Variants in TMEM132C observed in about 807,000 individuals in gnomAD.
The protein encoded by TMEM132C is protein phosphatase 1, regulatory subunit 152.
Under a neutral mutation model 61.4 loss-of-function variants are expected in TMEM132C, and 29 were observed. The observed-to-expected ratio is 0.47, with a 90% CI of 0.35 to 0.64. TMEM132C has a LOEUF of 0.64. TMEM132C is among the 30% of genes least tolerant of loss of function. The probability of loss-of-function intolerance (pLI) is 0.00; values close to 1 mark genes in which losing one functional copy is unlikely to be tolerated. For synonymous variants in TMEM132C, 656 were observed against 633.1 expected (o/e 1.04, Z -0.54); for missense variants, 1,408 against 1,476.9 (o/e 0.95, Z 0.76).
At chr12:128,442,587 A>T (rs760952990) in intron 2 of TMEM132C, among the ~76,000 whole-genome samples, 60 of 130,476 alleles carry the variant, frequency 4.6e-4, no homozygotes, top group African/African-American at 1.1e-3. Context: ...TCAGTGTTTT[A>T]AAAAAAAAAA....
At chr12:128,282,128 A>C (rs1209388171) in intron 1 of TMEM132C, among the ~76,000 whole-genome samples, 4 of 152,224 alleles carry the variant, frequency 2.6e-5, no homozygotes, top group Admixed American at 2.0e-4. Context: ...GAACCATCTC[A>C]GAGTAACTGG....
At chr12:128,542,407 G>C (rs1468827179) in intron 2 of TMEM132C, among the ~76,000 whole-genome samples, 2 of 152,180 alleles carry the variant, frequency 1.3e-5, no homozygotes, top group Admixed American at 6.5e-5. Context: ...CCAGGTTCAA[G>C]TGACCCTCCT....
At chr12:128,497,682 G>A (rs1257409035) in intron 2 of TMEM132C, among the ~76,000 whole-genome samples, 1 of 152,168 alleles carries the variant, frequency 6.6e-6, no homozygotes, top group Non-Finnish European at 1.5e-5. Flanking sequence ...CATTGGAAAA[G>A]CGCAGTATTA....
intron 1 of TMEM132C, among the ~76,000 whole-genome samples, chr12:128,405,054 C>T (rs564531017): frequency 2.7e-5 from 4 of 146,144 alleles, no homozygotes; most frequent in Non-Finnish European, 6.1e-5. Flanking sequence ...CCGTAGGAAA[C>T]CAGCATTGGA....
At chr12:128,684,546 G>A (rs530783663) in intron 5 of TMEM132C, among the ~76,000 whole-genome samples, 12 of 152,320 alleles carry the variant, frequency 7.9e-5, no homozygotes, top group South Asian at 6.2e-4. Context: ...GCTCATTAGC[G>A]CTGCCAACCC....
intron 3 of TMEM132C, among the ~76,000 whole-genome samples, chr12:128,611,435 T>C (rs1228013785): frequency 1.3e-5 from 2 of 152,194 alleles, no homozygotes; most frequent in African/African-American, 4.8e-5. Flanking sequence ...ACACATCTGA[T>C]TGGAGGTGCT....
rs374080693 is a variant in TMEM132C at position 128,693,839 on chromosome 12, G to A, written c.1460G>A (p.Arg487His). ...CCTCTGTCTTTGCAGGTGTCTGAGC[G>A]CTGTGACTACATCTTTGTCAATGGC... is the stretch of plus-strand genomic sequence containing the variant. Reference protein sequence around the residue: ...TDEDVIKVSERCDYIFVNGKE... With the variant: ...TDEDVIKVSEHCDYIFVNGKE... Residue 487 changes from arginine to histidine, a missense_variant, in exon 6 of 9, where the codon CGC becomes CAC. By Grantham distance (29) the Arg-to-His change is conservative (BLOSUM62 0). Transcript: ENST00000435159. 192 of 1,551,710 alleles carry A rather than the reference G, an allele frequency of 1.2e-4. 1 individual carries two copies. The African/African-American group carries it at 1.9e-3, about 15-fold the overall frequency.
At chr12:128,502,984 C>T (rs10847630) in intron 2 of TMEM132C, among the ~76,000 whole-genome samples, 51,399 of 152,070 alleles carry the variant, frequency 0.34, 9,119 homozygotes, top group East Asian at 0.56. Flanking sequence ...CTGTGTCAAT[C>T]GGAGGCTGGG....
At chr12:128,496,461 C>T (rs1412103758) in intron 2 of TMEM132C, among the ~76,000 whole-genome samples, 2 of 152,176 alleles carry the variant, frequency 1.3e-5, no homozygotes, top group Non-Finnish European at 2.9e-5. Context: ...CCATCACTTT[C>T]AGGTACACCA....
Position 128,357,706 on chromosome 12 carries a change from A to AAG in TMEM132C, c.86-57025_86-57024insGA, listed in dbSNP as rs1555220144. Reference sequence around the variant, plus strand: ...AGACTCCGTCTCAAAAAAAAAAAAAAAAAAGAAAAAGAAGGAGCCCAAAGA... The same window carrying AAG: ...AGACTCCGTCTCAAAAAAAAAAAAAAAGAAAAGAAAAAGAAGGAGCCCAAAGA... On this transcript the variant is annotated intron_variant, in intron 1 of 8. Transcript: ENST00000435159. Among the ~76,000 whole-genome samples, 947 of 151,526 alleles carry AAG rather than the reference A, an allele frequency of 6.2e-3. 12 individuals carry two copies. Among genetic ancestry groups the AAG allele is most frequent in the African/African-American group, 0.021 (866 of 41,288 alleles).
intron 2 of TMEM132C, among the ~76,000 whole-genome samples, chr12:128,526,449 C>T (rs1873090046): frequency 6.6e-6 from 1 of 152,146 alleles, no homozygotes; most frequent in Admixed American, 6.5e-5. Context: ...GGGTTCCACC[C>T]TGGGGACCTA....
chr12:128,534,554 A>G lies in TMEM132C; in HGVS notation c.975-9403A>G, dbSNP rs529577712. On this transcript the variant is annotated intron_variant, in intron 2 of 8. Coordinates refer to ENST00000435159, the MANE Select transcript of TMEM132C (RefSeq NM_001136103.3). ...GCAGGGCTGGAAGCTCCTCCCCTCC[A>G]TGCAGCCTGGCTGAGCGGGGTTGGC... 2.6e-5 allele frequency among the ~76,000 whole-genome samples: 4 copies of G among 152,312 alleles called. No homozygotes were observed. The East Asian group carries it at 5.8e-4, about 22-fold the overall frequency.
At chr12:128,659,392 G>A (rs1954361648) in intron 4 of TMEM132C, among the ~76,000 whole-genome samples, 1 of 152,168 alleles carries the variant, frequency 6.6e-6, no homozygotes. Flanking sequence ...GCAGCACATG[G>A]TTGCCATCTC....
intron 2 of TMEM132C, among the ~76,000 whole-genome samples, chr12:128,503,738 C>G (rs1291547558): frequency 6.6e-6 from 1 of 152,190 alleles, no homozygotes; most frequent in African/African-American, 2.4e-5. Flanking sequence ...TGCAGACCGG[C>G]TAAGTATCTT....
At chr12:128,267,534 C>A in intron 1 of TMEM132C, 47 bp downstream of exon 1, 1 of 1,219,462 alleles carries the variant, frequency 8.2e-7, no homozygotes, top group South Asian at 3.5e-5. Context: ...GCGAACTTCC[C>A]GGTTCCGGGG....
At position 128,309,118 on chromosome 12, in the gene TMEM132C, G is replaced by A. The variant is rs368562653; in HGVS notation, c.85+41631G>A. On this transcript the variant is annotated intron_variant, in intron 1 of 8. Coordinates refer to ENST00000435159, the MANE Select transcript of TMEM132C (RefSeq NM_001136103.3). ...GGACCTTTCAGTGATCTCCCGTGAC[G>A]GGACTGCTGACCTCCAGCCAAGACC... 1.1e-3 allele frequency among the ~76,000 whole-genome samples: 166 copies of A among 152,236 alleles called. No individual in the cohort carries two copies. In the South Asian group the frequency reaches 0.012, roughly 11 times the overall value.
intron 1 of TMEM132C, chr12:128,404,854 T>C (rs2678809): frequency 0.7 from 106,520 of 152,074 alleles, 38,534 homozygotes; most frequent in East Asian, 0.92. Context: ...ACTCAATTTC[T>C]GACTGCAGCT....
chr12:128,378,314 G>C (rs969774087), intron 1 of TMEM132C, among the ~76,000 whole-genome samples: 13 of 151,896 alleles, frequency 8.6e-5, no homozygotes, highest in Non-Finnish European at 1.8e-4. Flanking sequence ...GACGGGGTTT[G>C]ACCATGTTAG....
chr12:128,590,634 A>G (rs1875718930), intron 3 of TMEM132C, among the ~76,000 whole-genome samples: 1 of 152,106 alleles, frequency 6.6e-6, no homozygotes, highest in Non-Finnish European at 1.5e-5. Flanking sequence ...TTCTCCTGCC[A>G]GATTAAGGAG....
Sources: gnomAD v4.1 joint callset for allele counts (sites outside exome capture counted in the v4.1 genomes callset) on GRCh38, gnomAD v4.1.1 for gene constraint, MANE v1.5 for transcripts, NCBI Gene and HGNC (gene_info 2026-07-23, HGNC 2026-07-21) for gene names.